Variants in ANKRD36 observed in about 807,000 individuals in gnomAD.
ANKRD36 encodes ankyrin repeat domain 36.
ANKRD36 carries 179 observed loss-of-function variants against 278.1 expected under a neutral mutation model. The observed-to-expected ratio is 0.64, with a 90% CI of 0.57 to 0.73. The LOEUF (loss-of-function observed/expected upper bound fraction) is 0.73. Among genes scored for constraint, ANKRD36 ranks in the 30% least tolerant of loss-of-function variants. The pLI is 0.00. For synonymous variants in ANKRD36, 320 were observed against 641.1 expected, an observed-to-expected ratio of 0.50 and a Z score of 7.57; for missense variants, 1,159 against 1,956.7, an observed-to-expected ratio of 0.59 and a Z score of 7.69.
At chr2:97,230,438 G>T (rs1311012943) in intron 67 of ANKRD36, among the ~76,000 whole-genome samples, 1 of 152,050 alleles carries the variant, frequency 6.6e-6, no homozygotes, top group East Asian at 2.0e-4. Context: ...ATCGGCTCCT[G>T]AGGCTTCTGC....
intron 62 of ANKRD36, chr2:97,216,780 T>A (rs1447537938): frequency 1.1e-5 from 5 of 447,626 alleles, no homozygotes; most frequent in Non-Finnish European, 2.0e-5. Context: ...TATAATGGTG[T>A]AAATCCTTTT....
At chr2:97,201,973 T>A (rs1185425376) in intron 46 of ANKRD36, among the ~76,000 whole-genome samples, 1 of 151,898 alleles carries the variant, frequency 6.6e-6, no homozygotes, top group Non-Finnish European at 1.5e-5. Context: ...TTTCGACATA[T>A]GAGAAATCAT....
intron 22 of ANKRD36, among the ~76,000 whole-genome samples, chr2:97,177,701 T>G (rs2054727161): frequency 1.3e-5 from 2 of 151,692 alleles, no homozygotes; most frequent in Non-Finnish European, 2.9e-5. Context: ...GACTTAAACG[T>G]TAGACCTAAA....
Position 97,226,165 on chromosome 2 carries a change from G to C in ANKRD36, c.3951+1286G>C, listed in dbSNP as rs2069521165. 2.6e-5 allele frequency among the ~76,000 whole-genome samples: 4 copies of C among 151,374 alleles called. No individual in the cohort carries two copies. In the South Asian group the frequency reaches 8.5e-4, roughly 32 times the overall value. The stretch of plus-strand genomic sequence containing the variant: ...AGTAATGGGATGGCAGGGTCAAATG[G>C]TATTTCTAGTTCTAGATCCCTGAGG... On this transcript the variant is annotated intron_variant, in intron 67 of 75. Coordinates refer to ENST00000420699, the MANE Select transcript of ANKRD36 (RefSeq NM_001354587.1).
chr2:97,148,292 C>G (rs1398362100), intron 11 of ANKRD36, among the ~76,000 whole-genome samples: 1 of 152,302 alleles, frequency 6.6e-6, no homozygotes, highest in Non-Finnish European at 1.5e-5. Flanking sequence ...CTGAGACTAA[C>G]TTACTTTCCA....
intron 3 of ANKRD36, among the ~76,000 whole-genome samples, chr2:97,121,953 A>G (rs1474926937): frequency 6.8e-6 from 1 of 146,290 alleles, no homozygotes; most frequent in African/African-American, 2.5e-5. Flanking sequence ...AAATATTACT[A>G]GAGAAAACCC....
At chr2:97,231,232 C>T (rs1297213050) in intron 67 of ANKRD36, among the ~76,000 whole-genome samples, 2 of 152,148 alleles carry the variant, frequency 1.3e-5, no homozygotes, top group Admixed American at 6.5e-5. Context: ...TTCTCTGTGC[C>T]CTGCCCCCAG....
chr2:97,203,339 A>C (rs1449518498), intron 48 of ANKRD36, among the ~76,000 whole-genome samples: 3 of 151,864 alleles, frequency 2.0e-5, no homozygotes, highest in Admixed American at 6.6e-5. Context: ...TAGCAGTTTC[A>C]CTTTGTATGT....
chr2:97,227,508 G>A (rs1364779584), intron 67 of ANKRD36, among the ~76,000 whole-genome samples: 1 of 152,110 alleles, frequency 6.6e-6, no homozygotes, highest in Non-Finnish European at 1.5e-5. Context: ...TTGCTGATCA[G>A]CTTAAGGAGA....
intron 66 of ANKRD36, among the ~76,000 whole-genome samples, chr2:97,221,698 G>A (rs1170428163): frequency 1.3e-4 from 20 of 150,956 alleles, no homozygotes; most frequent in Non-Finnish European, 2.7e-4. Flanking sequence ...AGATGAGTAG[G>A]TTGTGAAAAT....
Position 97,205,323 on chromosome 2 carries a change from T to C in ANKRD36, c.3062-617T>C, listed in dbSNP as rs1348174124. The stretch of plus-strand genomic sequence containing the variant: ...ACATTTGGAAGGCTATACTAGTGGA[T>C]ACAAGAAAGTTAAGCAAATTATTAC... On this transcript the variant is annotated intron_variant, in intron 50 of 75. Transcript: ENST00000420699. Among the ~76,000 whole-genome samples the C allele has an allele frequency of 2.6e-5, 4 of 151,312 alleles. 1 individual carries two copies. The highest frequency in any genetic ancestry group is 2.6e-4 in the Admixed American group (4 of 15,136).
intron 12 of ANKRD36, among the ~76,000 whole-genome samples, chr2:97,151,643 T>C (rs1314008134): frequency 2.6e-5 from 4 of 151,444 alleles, no homozygotes; most frequent in African/African-American, 9.8e-5. Flanking sequence ...ATAGTATTTG[T>C]ATAATAATCA....
At chr2:97,135,679 A>AT (rs1205141197) in intron 6 of ANKRD36, among the ~76,000 whole-genome samples, 1 of 151,586 alleles carries the variant, frequency 6.6e-6, no homozygotes, top group East Asian at 1.9e-4. Context: ...TTAGGTACAG[A>AT]TTATGTCAAT....
chr2:97,181,990 AT>A (rs2056359173), intron 26 of ANKRD36, among the ~76,000 whole-genome samples, 197 bp downstream of exon 26: 1 of 151,554 alleles, frequency 6.6e-6, no homozygotes, highest in African/African-American at 2.4e-5. Context: ...ACTTCCCCAC[AT>A]TGAAATTGGG....
chr2:97,186,879 G>A (rs2057516592), intron 30 of ANKRD36, among the ~76,000 whole-genome samples: 1 of 151,878 alleles, frequency 6.6e-6, no homozygotes, highest in African/African-American at 2.4e-5. Context: ...AGGTGATTGA[G>A]TTTCCCCTCT....
intron 11 of ANKRD36, among the ~76,000 whole-genome samples, chr2:97,148,596 T>C (rs2044980461): frequency 6.6e-6 from 1 of 152,312 alleles, no homozygotes; most frequent in East Asian, 1.9e-4. Flanking sequence ...AGAATCTATA[T>C]AATGACGATA....
chr2:97,201,455 T>G (rs1280850417), intron 46 of ANKRD36, among the ~76,000 whole-genome samples: 8 of 152,082 alleles, frequency 5.3e-5, no homozygotes, highest in African/African-American at 1.9e-4. Flanking sequence ...TAATATCTAA[T>G]GGTTGTGGCA....
At chr2:97,220,790 A>C (rs1009735046) in intron 66 of ANKRD36, among the ~76,000 whole-genome samples, 1 of 37,672 alleles carries the variant, frequency 2.7e-5, no homozygotes, top group African/African-American at 1.8e-4. Context: ...TTTTTTTTTT[A>C]TTATACTCTA....
chr2:97,159,631 T>C (rs2048339224), intron 17 of ANKRD36, among the ~76,000 whole-genome samples: 1 of 151,704 alleles, frequency 6.6e-6, no homozygotes, highest in Non-Finnish European at 1.5e-5. Context: ...TTTGGTATAC[T>C]CCTAAGTTGC....
Sources: allele counts gnomAD v4.1 joint callset (sites outside exome capture counted in the v4.1 genomes callset), GRCh38; gene constraint gnomAD v4.1.1; transcripts MANE v1.5; gene names NCBI Gene and HGNC (gene_info 2026-07-23, HGNC 2026-07-21).